The following LAMTOR3 variants were observed in gnomAD, a reference collection of about 807,000 sequenced individuals.
LAMTOR3 encodes the protein ragulator complex protein LAMTOR3.
A neutral mutation model predicts 20.3 loss-of-function variants in LAMTOR3; 14 were observed. The observed-to-expected ratio is 0.69, with a 90% CI of 0.46 to 1.08. LAMTOR3 has a LOEUF of 1.08. LAMTOR3 is among the 50% of genes least tolerant of loss of function. The probability of loss-of-function intolerance (pLI) is 0.00; values close to 1 mark genes in which losing one functional copy is unlikely to be tolerated. For synonymous variants in LAMTOR3, 40 were observed against 49.4 expected (o/e 0.81, Z 0.80); for missense variants, 125 against 143.7 (o/e 0.87, Z 0.67).
chr4:99,889,709 T>C (rs1278900752), intron 3 of LAMTOR3, among the ~76,000 whole-genome samples: 2 of 152,194 alleles, frequency 1.3e-5, no homozygotes, highest in Non-Finnish European at 2.9e-5. Flanking sequence ...CACTCTATGT[T>C]CTTCAGTTAA....
intron 2 of LAMTOR3, 67 bp from the exon 3 acceptor site, chr4:99,892,101 T>C: frequency 6.8e-7 from 1 of 1,479,468 alleles, no homozygotes; most frequent in Non-Finnish European, 8.9e-7. Flanking sequence ...GATCCTGTCC[T>C]ATCCAAATTT....
At chr4:99,884,927 T>A (rs1291064437) in intron 5 of LAMTOR3, among the ~76,000 whole-genome samples, 2 of 150,584 alleles carry the variant, frequency 1.3e-5, no homozygotes, top group African/African-American at 4.9e-5. Context: ...ATCATGCCAC[T>A]GCACTCCAGC....
At chr4:99,886,920 GTA>G (rs553163950) in intron 4 of LAMTOR3, among the ~76,000 whole-genome samples, 1 of 151,880 alleles carries the variant, frequency 6.6e-6, no homozygotes, top group African/African-American at 2.4e-5. Context: ...TGTGTGGTAT[GTA>G]TATATATACA....
chr4:99,883,261 T>C (rs1445323363), intron 6 of LAMTOR3, among the ~76,000 whole-genome samples: 3 of 151,992 alleles, frequency 2.0e-5, no homozygotes, highest in East Asian at 1.9e-4. Context: ...ATTCTAAAGA[T>C]GAGGTATCTA....
chr4:99,894,371 A>T lies in LAMTOR3; in HGVS notation c.-74T>A. 1 of 180,556 alleles carries T rather than the reference A, an allele frequency of 5.5e-6. No individual in the cohort carries two copies. The highest frequency in any genetic ancestry group is 1.2e-5 in the Non-Finnish European group (1 of 86,916). The allele number at this position is 180,556 out of a possible 1,614,324, so 11.2% of individuals were successfully genotyped here. ...GGGCTGCCTGGTTCTCTCCGCTGTC[A>T]CTTCAGGGACAGCTTTAAAGACAGG... On this transcript the variant is annotated 5_prime_UTR_variant, in exon 1 of 7. Coordinates refer to ENST00000499666, the MANE Select transcript of LAMTOR3 (RefSeq NM_021970.4).
In LAMTOR3 at chr4:99,885,322, T is replaced by A. The variant is rs139400028; in HGVS notation, c.237+220A>T. Among the ~76,000 whole-genome samples the A allele has an allele frequency of 9.2e-5, 14 of 152,324 alleles. No homozygotes were observed. In the East Asian group the frequency reaches 2.7e-3, roughly 29 times the overall value. On this transcript the variant is annotated intron_variant, in intron 5 of 6. Transcript: ENST00000499666. ...ACTCTTTTTAGGATAACATGTACTT[T>A]ATTAAATCACTTAATTACTTTTCCA...
At position 99,879,052 on chromosome 4, in the gene LAMTOR3, C is replaced by T. The variant is rs984065962; in HGVS notation, c.*2942G>A. The stretch of plus-strand genomic sequence containing the variant: ...TGAATTTAAAAGTTTCACAGACTGC[C>T]AATTGCTGTACATAAAGAGTATAAC... On this transcript the variant is annotated 3_prime_UTR_variant, in exon 7 of 7. Coordinates refer to ENST00000499666, the MANE Select transcript of LAMTOR3 (RefSeq NM_021970.4). 1 of 152,168 alleles carries T rather than the reference C, an allele frequency of 6.6e-6. No homozygotes were observed. The highest frequency in any genetic ancestry group is 1.5e-5 in the Non-Finnish European group (1 of 68,028). 9.4% of individuals were successfully genotyped at this position (152,168 alleles called of 1,614,324 possible). A position where few individuals can be genotyped will look rare whatever the true frequency, so the allele number is the denominator to read the frequency against.
intron 5 of LAMTOR3, among the ~76,000 whole-genome samples, chr4:99,884,757 GA>G (rs1578202343): frequency 6.6e-6 from 1 of 152,290 alleles, no homozygotes; most frequent in East Asian, 1.9e-4. Context: ...TTGAGGCCAA[GA>G]GTTCAAGACC....
chr4:99,884,782 T>C (rs1350641865), intron 5 of LAMTOR3, among the ~76,000 whole-genome samples: 7 of 151,974 alleles, frequency 4.6e-5, no homozygotes, highest in African/African-American at 1.7e-4. Context: ...CTGGCCAACA[T>C]GGTGAAAGTC....
intron 3 of LAMTOR3, among the ~76,000 whole-genome samples, chr4:99,891,249 G>A (rs549911040): frequency 7.2e-5 from 11 of 152,154 alleles, no homozygotes; most frequent in Non-Finnish European, 1.3e-4. Context: ...CTTTCATTAC[G>A]CTAAGGTAAC....
At chr4:99,889,840 T>A (rs1724992105) in intron 3 of LAMTOR3, among the ~76,000 whole-genome samples, 1 of 152,228 alleles carries the variant, frequency 6.6e-6, no homozygotes, top group South Asian at 2.1e-4. Context: ...CTTCTTTTTT[T>A]AAATTTCCAT....
At position 99,881,857 on chromosome 4, in the gene LAMTOR3, T is replaced by C; in HGVS notation, c.*137A>G. The C allele has an allele frequency of 1.5e-6, 1 of 647,636 alleles. No homozygotes were observed. The highest frequency in any genetic ancestry group is 2.7e-6 in the Non-Finnish European group (1 of 364,324). 40.1% of individuals were successfully genotyped at this position (647,636 alleles called of 1,614,324 possible). Reference sequence around the variant, plus strand: ...CTATCTATAAATTACATCTATATGCTAGCTCTTTAGTATAAGTTGGAAAAA... The same window carrying C: ...CTATCTATAAATTACATCTATATGCCAGCTCTTTAGTATAAGTTGGAAAAA... On this transcript the variant is annotated 3_prime_UTR_variant, in exon 7 of 7. Coordinates refer to ENST00000499666, the MANE Select transcript of LAMTOR3 (RefSeq NM_021970.4).
intron 4 of LAMTOR3, 51 bp downstream of exon 4, chr4:99,887,245 A>AT: frequency 2.4e-6 from 3 of 1,241,374 alleles, no homozygotes; most frequent in Non-Finnish European, 3.4e-6. Flanking sequence ...AATTACACAC[A>AT]TTTTTAGTCA....
intron 3 of LAMTOR3, among the ~76,000 whole-genome samples, chr4:99,888,686 T>G (rs1438629832): frequency 6.6e-6 from 1 of 152,214 alleles, no homozygotes; most frequent in Non-Finnish European, 1.5e-5. Context: ...ATACTGACAT[T>G]AAATTTTTTA....
Position 99,882,005 on chromosome 4 carries a change from C to A in LAMTOR3, c.364G>T (p.Glu122Ter). Reference protein sequence around the residue: ...PLFEELRQVVEVS With the variant: ...PLFEELRQVV Reference sequence around the variant, plus strand: ...AAACCACTGTCAGATTAAGAAACTTCCACAACTTGTCTCAGTTCTTCAAAC... The same window carrying A: ...AAACCACTGTCAGATTAAGAAACTTACACAACTTGTCTCAGTTCTTCAAAC... The change falls in exon 7 of 7, where the codon GAA becomes TAA. Residue 122 changes from glutamate (E) to a stop codon, truncating the protein, a stop_gained. Transcript: ENST00000499666. LOFTEE classifies it high-confidence loss of function. 6.2e-7 allele frequency: 1 copy of A among 1,603,926 alleles called. No homozygotes were observed. Among genetic ancestry groups the A allele is most frequent in the Non-Finnish European group, 8.5e-7 (1 of 1,174,800 alleles).
chr4:99,883,778 C>CA (rs368560480), intron 6 of LAMTOR3, among the ~76,000 whole-genome samples: 1,479 of 101,494 alleles, frequency 0.015, 13 homozygotes, highest in African/African-American at 0.038. Flanking sequence ...TTCCTGTCTC[C>CA]AAAAAAAAAA....
At chr4:99,883,948 C>A in intron 6 of LAMTOR3, 114 bp downstream of exon 6, 1 of 709,808 alleles carries the variant, frequency 1.4e-6, no homozygotes, top group South Asian at 1.9e-5. Flanking sequence ...AACTGGGCCA[C>A]AAGTTCAAGA....
At chr4:99,890,641 G>A (rs1334566388) in intron 3 of LAMTOR3, among the ~76,000 whole-genome samples, 1 of 150,554 alleles carries the variant, frequency 6.6e-6, no homozygotes, top group Non-Finnish European at 1.5e-5. Context: ...AAAAAAAACT[G>A]ACAGTACTAA....
intron 3 of LAMTOR3, among the ~76,000 whole-genome samples, chr4:99,889,622 A>G (rs1724988199): frequency 6.6e-6 from 1 of 152,232 alleles, no homozygotes; most frequent in Admixed American, 6.5e-5. Context: ...TACATAAAAT[A>G]TCTCTGTAGG....
Sources: gnomAD v4.1 joint callset for allele counts (sites outside exome capture counted in the v4.1 genomes callset) on GRCh38, gnomAD v4.1.1 for gene constraint, MANE v1.5 for transcripts, NCBI Gene and HGNC (gene_info 2026-07-23, HGNC 2026-07-21) for gene names.